Variants in DOCK7 observed in about 807,000 individuals in gnomAD.
DOCK7 encodes dedicator of cytokinesis protein 7.
A neutral mutation model predicts 271.0 loss-of-function variants in DOCK7; 138 were observed. The ratio of observed to expected loss-of-function variants is 0.51; its 90% CI spans 0.44 to 0.59. The LOEUF (loss-of-function observed/expected upper bound fraction) is 0.59, where lower values mean the gene tolerates loss of function less well. Among genes scored for constraint, DOCK7 ranks in the 20% least tolerant of loss-of-function variants. The pLI is 0.00. For missense variants in DOCK7, 2,066 were observed against 2,592.4 expected (o/e 0.80, Z 4.41); for synonymous variants, 823 against 876.1 (o/e 0.94, Z 1.07).
At chr1:62,531,466 A>G (rs950384754) in intron 29 of DOCK7, among the ~76,000 whole-genome samples, 2 of 152,212 alleles carry the variant, frequency 1.3e-5, no homozygotes, top group Non-Finnish European at 2.9e-5. Context: ...ATAATTCTTC[A>G]ATACTTCAAA....
chr1:62,593,683 T>C (rs989865351), intron 14 of DOCK7, among the ~76,000 whole-genome samples: 1 of 152,066 alleles, frequency 6.6e-6, no homozygotes, highest in African/African-American at 2.4e-5. Context: ...AACAGTAAGA[T>C]AGATAAAATT....
rs560650140 is a variant in DOCK7, at chr1:62,654,501, T to TA, written c.145-343dup. On this transcript the variant is annotated intron_variant, in intron 2 of 49. Transcript: ENST00000635253. Reference sequence around the variant, plus strand: ...TTTGCTTTTTTATATCTTTGGATATTAAAAAAAAAAGTAAGTTGCTACGTT... The same window carrying TA: ...TTTGCTTTTTTATATCTTTGGATATTAAAAAAAAAAAGTAAGTTGCTACGTT... Among the ~76,000 whole-genome samples, 1,126 of 148,896 alleles carry TA rather than the reference T, an allele frequency of 7.6e-3. 8 individuals are homozygous for TA. Among genetic ancestry groups the TA allele is most frequent in the Non-Finnish European group, 0.012 (777 of 66,932 alleles).
chr1:62,588,926 G>C (rs1193921713), intron 14 of DOCK7, among the ~76,000 whole-genome samples: 1 of 151,918 alleles, frequency 6.6e-6, no homozygotes, highest in African/African-American at 2.4e-5. Context: ...TTTTTTTGTA[G>C]AGATGGAGTC....
At chr1:62,490,759 AAC>A (rs1251165586) in intron 41 of DOCK7, among the ~76,000 whole-genome samples, 2 of 152,202 alleles carry the variant, frequency 1.3e-5, no homozygotes, top group African/African-American at 2.4e-5. Context: ...CACATATACA[AAC>A]ACACAGAGTT....
intron 14 of DOCK7, chr1:62,601,027 C>T (rs1248555300): frequency 9.8e-7 from 1 of 1,022,736 alleles, no homozygotes; most frequent in African/African-American, 1.6e-5. Flanking sequence ...CTCAGATTTC[C>T]CCTAATTGTA....
chr1:62,662,378 C>T (rs1658760997), intron 2 of DOCK7, among the ~76,000 whole-genome samples: 1 of 151,996 alleles, frequency 6.6e-6, no homozygotes, highest in African/African-American at 2.4e-5. Flanking sequence ...TTAAAGGGGA[C>T]AGATAATACT....
chr1:62,672,931 G>T (rs1660170988), intron 1 of DOCK7, among the ~76,000 whole-genome samples: 1 of 152,006 alleles, frequency 6.6e-6, no homozygotes, highest in Non-Finnish European at 1.5e-5. Flanking sequence ...GTCAGTTAAA[G>T]ATATCCAGTA....
chr1:62,579,184 A>C (rs1647034677), intron 16 of DOCK7, among the ~76,000 whole-genome samples: 2 of 152,108 alleles, frequency 1.3e-5, no homozygotes, highest in African/African-American at 2.4e-5. Context: ...AATTTTCTTA[A>C]TGGGCTGAGT....
chr1:62,485,666 G>C, intron 43 of DOCK7: 1 of 985,304 alleles, frequency 1.0e-6, no homozygotes, highest in Non-Finnish European at 1.2e-6. Flanking sequence ...TACCACAATA[G>C]ACAATAGTAA....
At chr1:62,498,538 T>A (rs1346747966) in intron 37 of DOCK7, among the ~76,000 whole-genome samples, 1 of 152,086 alleles carries the variant, frequency 6.6e-6, no homozygotes, top group Non-Finnish European at 1.5e-5. Context: ...TACTTAATAT[T>A]AATTTATGTA....
chr1:62,503,692 C>T (rs186037462), intron 37 of DOCK7, among the ~76,000 whole-genome samples: 87 of 152,154 alleles, frequency 5.7e-4, no homozygotes, highest in African/African-American at 2.0e-3. Context: ...CTTCCTTCCT[C>T]GGCCACCCAA....
chr1:62,640,557 T>G (rs1048110889), intron 7 of DOCK7, among the ~76,000 whole-genome samples: 5 of 152,126 alleles, frequency 3.3e-5, no homozygotes, highest in African/African-American at 1.2e-4. Flanking sequence ...TGTGTGTGTG[T>G]ATTTGTTCCC....
chr1:62,529,226 T>A, intron 30 of DOCK7, 51 bp downstream of exon 30: 1 of 1,482,920 alleles, frequency 6.7e-7, no homozygotes, highest in South Asian at 1.4e-5. Flanking sequence ...TTTCTAACAC[T>A]TTTAAACATT....
At chr1:62,503,725 G>A (rs955701765) in intron 37 of DOCK7, among the ~76,000 whole-genome samples, 4 of 151,978 alleles carry the variant, frequency 2.6e-5, no homozygotes, top group African/African-American at 9.7e-5. Flanking sequence ...ACACGTGTGA[G>A]CCACTGGAGC....
intron 1 of DOCK7, among the ~76,000 whole-genome samples, chr1:62,669,028 T>C (rs1425083736): frequency 6.6e-6 from 1 of 152,114 alleles, no homozygotes; most frequent in Non-Finnish European, 1.5e-5. Flanking sequence ...TCAAGAGGTA[T>C]GTATATCACA....
At chr1:62,506,077 T>A (rs1646927953) in intron 35 of DOCK7, among the ~76,000 whole-genome samples, 1 of 151,852 alleles carries the variant, frequency 6.6e-6, no homozygotes, top group Non-Finnish European at 1.5e-5. Flanking sequence ...AATCATAAGG[T>A]GTGTTTTAGG....
intron 43 of DOCK7, chr1:62,483,261 C>G (rs946527688): frequency 2.2e-5 from 3 of 138,042 alleles, no homozygotes; most frequent in African/African-American, 8.0e-5. Flanking sequence ...AAACTTCAGG[C>G]CTCAAGCGAG....
chr1:62,467,161 A>G (rs1557585557), intron 48 of DOCK7, among the ~76,000 whole-genome samples: 2 of 152,202 alleles, frequency 1.3e-5, no homozygotes, highest in Admixed American at 6.5e-5. Context: ...TTACAGAGAA[A>G]GCCATCAGGC....
intron 1 of DOCK7, among the ~76,000 whole-genome samples, chr1:62,676,188 T>C (rs1660531673): frequency 6.6e-6 from 1 of 152,178 alleles, no homozygotes; most frequent in Non-Finnish European, 1.5e-5. Flanking sequence ...CAATGGAATA[T>C]TAGTCAGCCA....
Sources: allele counts gnomAD v4.1 joint callset (sites outside exome capture counted in the v4.1 genomes callset), GRCh38; gene constraint gnomAD v4.1.1; transcripts MANE v1.5; gene names NCBI Gene and HGNC (gene_info 2026-07-23, HGNC 2026-07-21).